CDH2: variants seen among roughly 807,000 people sequenced by gnomAD.
The protein encoded by CDH2 is cadherin-2.
Under a neutral mutation model 92.0 loss-of-function variants are expected in CDH2, and 17 were observed. The ratio of observed to expected loss-of-function variants is 0.18; its 90% CI spans 0.13 to 0.28. CDH2 has a LOEUF of 0.28. Ranked by LOEUF, CDH2 falls within the 10% of genes least tolerant of loss-of-function variation. CDH2 has a pLI of 1.00. For missense variants in CDH2, 862 were observed against 1,133.1 expected (o/e 0.76, Z 3.44); for synonymous variants, 419 against 415.9 (o/e 1.01, Z -0.09).
chr18:28,083,599 C>A (rs921318499), intron 2 of CDH2, among the ~76,000 whole-genome samples: 4 of 152,144 alleles, frequency 2.6e-5, no homozygotes, highest in Admixed American at 6.5e-5. Flanking sequence ...TGAATAAGAA[C>A]TAGCCTACAG....
chr18:28,069,000 C>T (rs1327488580), intron 2 of CDH2, among the ~76,000 whole-genome samples: 2 of 152,112 alleles, frequency 1.3e-5, no homozygotes, highest in Non-Finnish European at 2.9e-5. Context: ...TATACAGGGG[C>T]CATATTCCTG....
At chr18:27,939,185 T>C (rs890762056) in intron 6 of CDH2, among the ~76,000 whole-genome samples, 3 of 152,188 alleles carry the variant, frequency 2.0e-5, no homozygotes, top group Non-Finnish European at 4.4e-5. Context: ...TCCTTGCAGC[T>C]ACCAAATCAA....
At chr18:28,084,360 A>G (rs1048854057) in intron 2 of CDH2, among the ~76,000 whole-genome samples, 1 of 152,176 alleles carries the variant, frequency 6.6e-6, no homozygotes, top group Non-Finnish European at 1.5e-5. Context: ...GAGAATATAC[A>G]ACAGTACAAA....
At chr18:27,976,297 A>G (rs941598797) in intron 14 of CDH2, among the ~76,000 whole-genome samples, 6 of 152,156 alleles carry the variant, frequency 3.9e-5, no homozygotes, top group Non-Finnish European at 8.8e-5. Flanking sequence ...TCTATCAATT[A>G]TCATTTGTGA....
chr18:27,938,757 T>A (rs1274171112), intron 6 of CDH2, among the ~76,000 whole-genome samples: 1 of 152,184 alleles, frequency 6.6e-6, no homozygotes, highest in Non-Finnish European at 1.5e-5. Context: ...AACAGCACAG[T>A]GTTATAGCAT....
chr18:27,967,770 T>C (rs2011565507), intron 14 of CDH2, among the ~76,000 whole-genome samples: 1 of 152,190 alleles, frequency 6.6e-6, no homozygotes, highest in Admixed American at 6.5e-5. Context: ...ATTTAAAATG[T>C]CTTAAGGGCG....
intron 2 of CDH2, among the ~76,000 whole-genome samples, chr18:28,017,569 GTTTCATT>G (rs1007704834): frequency 6.6e-6 from 1 of 151,826 alleles, no homozygotes; most frequent in African/African-American, 2.4e-5. Context: ...CCAGCTTTTT[GTTTCATT>G]TATCTTTTGT....
At chr18:28,022,768 T>C (rs1225958302) in intron 2 of CDH2, among the ~76,000 whole-genome samples, 2 of 152,176 alleles carry the variant, frequency 1.3e-5, no homozygotes, top group South Asian at 2.1e-4. Flanking sequence ...ATAGTTTTAA[T>C]ACTTTTTTTA....
At chr18:28,128,365 G>A (rs891286513) in intron 2 of CDH2, among the ~76,000 whole-genome samples, 1 of 152,084 alleles carries the variant, frequency 6.6e-6, no homozygotes, top group African/African-American at 2.4e-5. Context: ...AGATATACGT[G>A]TATTTATTTC....
intron 15 of CDH2, among the ~76,000 whole-genome samples, chr18:27,953,497 CCTAT>C (rs558439547): frequency 4.5e-4 from 68 of 152,254 alleles, no homozygotes; most frequent in Non-Finnish European, 6.0e-4. Flanking sequence ...TATGGCCTCA[CCTAT>C]CTAAGATGTG....
At position 28,009,822 on chromosome 18, in the gene CDH2, C is replaced by A; in HGVS notation, c.597G>T (p.Gly199=). 6.2e-7 allele frequency: 1 copy of A among 1,613,756 alleles called. No individual in the cohort carries two copies. Among genetic ancestry groups the A allele is most frequent in the Non-Finnish European group, 8.5e-7 (1 of 1,179,866 alleles). Residue 199 remains glycine (G), a synonymous_variant, in exon 5 of 16, where the codon GGG becomes GGT. Coordinates refer to ENST00000269141, the MANE Select transcript of CDH2 (RefSeq NM_001792.5). The part of the protein sequence containing the change: ...KNLSLRYSVT[G]PGADQPPTGI... ...CAGTTGGAGGCTGGTCAGCTCCTGGCCCAGTTACACTGTACCGCAGTGAAA... is the reference window on the plus strand; with the variant it reads ...CAGTTGGAGGCTGGTCAGCTCCTGGACCAGTTACACTGTACCGCAGTGAAA...
At chr18:27,950,318 C>A (rs1347734344), downstream of CDH2, among the ~76,000 whole-genome samples, 3 of 152,054 alleles carry the variant, frequency 2.0e-5, no homozygotes, top group Non-Finnish European at 2.9e-5. Flanking sequence ...CAGATAAATA[C>A]AAGTGGAGAA....
At position 27,993,550 on chromosome 18, in the gene CDH2, T is replaced by C; in HGVS notation, c.1108A>G (p.Ile370Val). 6.2e-7 allele frequency: 1 copy of C among 1,614,206 alleles called. No individual in the cohort carries two copies. Among genetic ancestry groups the C allele is most frequent in the Non-Finnish European group, 8.5e-7 (1 of 1,180,000 alleles). The change falls in exon 8 of 16, where the codon ATC (isoleucine) becomes GTC (valine). Residue 370 changes from isoleucine to valine, a missense_variant. Ile to Val is a conservative substitution (Grantham distance 29). Transcript: ENST00000269141. ...YGLSNTATAVITVTDVNDNPP... is the reference protein window; with the variant it reads ...YGLSNTATAVVTVTDVNDNPP... The stretch of plus-strand genomic sequence containing the variant: ...TTGTCATTGACATCTGTCACTGTGA[T>C]GACGGCCGTGGCTGTGTTTGAAAGG...
At chr18:28,155,047 G>T (rs2016186372) in intron 1 of CDH2, among the ~76,000 whole-genome samples, 1 of 152,070 alleles carries the variant, frequency 6.6e-6, no homozygotes, top group South Asian at 2.1e-4. Flanking sequence ...TTACATTATT[G>T]TTTGGGAGAT....
At chr18:28,032,827 G>A (rs1252143430) in intron 2 of CDH2, among the ~76,000 whole-genome samples, 1 of 151,980 alleles carries the variant, frequency 6.6e-6, no homozygotes, top group Non-Finnish European at 1.5e-5. Flanking sequence ...AGCACCAAGG[G>A]AAATTTCCAT....
chr18:28,014,795 A>C lies in CDH2; in HGVS notation c.173-886T>G, dbSNP rs547723565. ...GCTTGTCTCAACAGGTAATAAAACAAAAATTAAACCATGAACTTGTGTAGA... is the reference window on the plus strand; with the variant it reads ...GCTTGTCTCAACAGGTAATAAAACACAAATTAAACCATGAACTTGTGTAGA... On this transcript the variant is annotated intron_variant, in intron 2 of 15. Coordinates refer to ENST00000269141, the MANE Select transcript of CDH2 (RefSeq NM_001792.5). Among the ~76,000 whole-genome samples, 13 of 152,246 alleles carry C rather than the reference A, an allele frequency of 8.5e-5. No homozygotes were observed. In the South Asian group the frequency reaches 2.5e-3, roughly 29 times the overall value.
At chr18:28,155,626 T>C (rs769972887) in intron 1 of CDH2, among the ~76,000 whole-genome samples, 1 of 152,182 alleles carries the variant, frequency 6.6e-6, no homozygotes, top group Non-Finnish European at 1.5e-5. Flanking sequence ...AATACTTTTA[T>C]TATGCGGTTA....
intron 15 of CDH2, among the ~76,000 whole-genome samples, chr18:27,962,434 A>G (rs1453480546): frequency 6.6e-6 from 1 of 152,190 alleles, no homozygotes; most frequent in African/African-American, 2.4e-5. Flanking sequence ...CCTAATGTAG[A>G]TTATGTTTAA....
At chr18:28,102,941 G>T (rs2015250945) in intron 2 of CDH2, among the ~76,000 whole-genome samples, 1 of 151,658 alleles carries the variant, frequency 6.6e-6, no homozygotes, top group Non-Finnish European at 1.5e-5. Flanking sequence ...GGGTAAATTT[G>T]AAGTCAGGTG....
Sources: allele counts gnomAD v4.1 joint callset (sites outside exome capture counted in the v4.1 genomes callset), GRCh38; gene constraint gnomAD v4.1.1; transcripts MANE v1.5; gene names NCBI Gene and HGNC (gene_info 2026-07-23, HGNC 2026-07-21).